ASXL3: variants seen among roughly 807,000 people sequenced by gnomAD.
ASXL3 encodes ASXL transcriptional regulator 3.
ASXL3 carries 34 observed loss-of-function variants against 170.6 expected under a neutral mutation model. That is an observed-to-expected ratio of 0.20 (90% CI 0.15 to 0.27). The LOEUF is 0.27. Among genes scored for constraint, ASXL3 ranks in the 10% least tolerant of loss-of-function variants. ASXL3 has a pLI of 1.00. For synonymous variants in ASXL3, 1,002 were observed against 989.1 expected (o/e 1.01, Z -0.24); for missense variants, 2,592 against 2,695.3 (o/e 0.96, Z 0.85).
chr18:33,739,768 C>T lies in ASXL3; in HGVS notation c.2364C>T (p.Ala788=), dbSNP rs1297464464. ...PLSPQKDESS[A]TAKPLGENLT... ...CCCCGCAGAAAGATGAGTCTTCCGC[C>T]ACTGCCAAACCTCTGGGAGAGAACC... The change falls in exon 11 of 12, where the codon GCC becomes GCT. Residue 788 remains alanine, a synonymous_variant. Coordinates refer to ENST00000269197, the MANE Select transcript of ASXL3 (RefSeq NM_030632.3). 2 of 1,613,654 alleles carry T rather than the reference C, an allele frequency of 1.2e-6. No homozygotes were observed. Among genetic ancestry groups the T allele is most frequent in the Non-Finnish European group, 1.7e-6 (2 of 1,179,824 alleles).
chr18:33,677,017 T>C (rs1198882007), intron 7 of ASXL3, among the ~76,000 whole-genome samples: 2 of 152,216 alleles, frequency 1.3e-5, no homozygotes, highest in Non-Finnish European at 2.9e-5. Context: ...CTAAACTAGT[T>C]TTAATTATAC....
chr18:33,662,070 C>A (rs1045672013), intron 5 of ASXL3, among the ~76,000 whole-genome samples: 2 of 152,028 alleles, frequency 1.3e-5, no homozygotes, highest in Non-Finnish European at 2.9e-5. Context: ...AAAATAACAT[C>A]TATGTTTTTT....
intron 9 of ASXL3, 106 bp from the exon 10 acceptor site, chr18:33,734,204 C>G (rs2145402470): frequency 1.5e-6 from 1 of 647,878 alleles, no homozygotes; most frequent in South Asian, 2.9e-5. Context: ...TGTCCTTGTA[C>G]TTTTCAAGAT....
intron 5 of ASXL3, 114 bp downstream of exon 5, chr18:33,661,851 A>G: frequency 8.6e-7 from 1 of 1,167,786 alleles, no homozygotes; most frequent in Non-Finnish European, 1.2e-6. Context: ...ATCTTCCTGA[A>G]TTCAATCCCA....
chr18:33,656,978 A>G (rs957990852), intron 4 of ASXL3, among the ~76,000 whole-genome samples: 4 of 152,164 alleles, frequency 2.6e-5, no homozygotes, highest in African/African-American at 7.2e-5. Context: ...AAAAAATTCA[A>G]TGAACATTAA....
At chr18:33,713,170 T>C (rs1362109659) in intron 8 of ASXL3, among the ~76,000 whole-genome samples, 3 of 150,554 alleles carry the variant, frequency 2.0e-5, no homozygotes, top group Admixed American at 6.6e-5. Flanking sequence ...CAGGGTTTGT[T>C]ACAATACAAG....
intron 2 of ASXL3, 79 bp from the exon 3 acceptor site, chr18:33,644,815 C>T (rs780773861): frequency 1.9e-4 from 156 of 816,152 alleles, no homozygotes; most frequent in Admixed American, 7.3e-4. Flanking sequence ...TAAGAGAGAG[C>T]GAGCGAGACT....
chr18:33,603,513 A>G (rs1011188954), intron 1 of ASXL3, among the ~76,000 whole-genome samples: 2 of 151,918 alleles, frequency 1.3e-5, no homozygotes, highest in East Asian at 1.9e-4. Context: ...ATGAATGTAT[A>G]TGTCTTTGAG....
rs893950008 is a variant in ASXL3 at position 33,739,479 on chromosome 18, C to T, written c.2075C>T (p.Ala692Val). 1.2e-6 allele frequency: 2 copies of T among 1,613,810 alleles called. No individual in the cohort carries two copies. The highest frequency in any genetic ancestry group is 1.7e-5 in the Admixed American group (1 of 60,004). ...TCCACTTCACCTGAAATATCAGAAG[C>T]ATCTCTTATGTCCAACTTACCATTA... ...PISTSPEISE[A>V]SLMSNLPLTS... The change falls in exon 11 of 12, where the codon GCA becomes GTA. Residue 692 changes from alanine (A) to valine (V), a missense_variant. By Grantham distance (64) the Ala-to-Val change is moderately conservative (BLOSUM62 0). Around this residue, in one of 4 missense-constraint regions of ASXL3, gnomAD observed 2,246 missense variants for 2,219.6 expected, o/e 1.01. Transcript: ENST00000269197.
intron 8 of ASXL3, among the ~76,000 whole-genome samples, chr18:33,706,227 A>AGATAGT: frequency 6.6e-6 from 1 of 151,788 alleles, no homozygotes. Flanking sequence ...AAAAGATCAA[A>AGATAGT]GAGCTACCTC....
At chr18:33,588,288 TTTA>T (rs1461550404) in intron 1 of ASXL3, among the ~76,000 whole-genome samples, 1 of 152,076 alleles carries the variant, frequency 6.6e-6, no homozygotes, top group Non-Finnish European at 1.5e-5. Flanking sequence ...ATGTATTGGT[TTTA>T]TTATTCAGAA....
chr18:33,683,381 A>C (rs763766689), intron 7 of ASXL3, 24 bp from the exon 8 acceptor site: 2 of 1,596,952 alleles, frequency 1.3e-6, no homozygotes, highest in Non-Finnish European at 8.5e-7. Context: ...TAGTAAATTC[A>C]TGCCTCTTGC....
intron 7 of ASXL3, among the ~76,000 whole-genome samples, chr18:33,679,755 T>C (rs553294130): frequency 9.9e-5 from 15 of 152,050 alleles, no homozygotes; most frequent in Non-Finnish European, 1.8e-4. Context: ...TGTATAAAGC[T>C]TAAAATATTT....
At chr18:33,732,718 G>A (rs2067472095) in intron 9 of ASXL3, among the ~76,000 whole-genome samples, 1 of 152,026 alleles carries the variant, frequency 6.6e-6, no homozygotes, top group African/African-American at 2.4e-5. Context: ...AGCCAGGCAT[G>A]GTGGTGCATA....
intron 8 of ASXL3, among the ~76,000 whole-genome samples, chr18:33,713,446 A>G (rs1029684927): frequency 5.3e-5 from 8 of 151,140 alleles, no homozygotes; most frequent in African/African-American, 1.9e-4. Flanking sequence ...CTTCATGGAG[A>G]TGGACCATGT....
In ASXL3 at chr18:33,739,697, G is replaced by C; in HGVS notation, c.2293G>C (p.Ala765Pro). 1 of 1,613,790 alleles carries C rather than the reference G, an allele frequency of 6.2e-7. No individual in the cohort carries two copies. Among genetic ancestry groups the C allele is most frequent in the Non-Finnish European group, 8.5e-7 (1 of 1,179,860 alleles). The change falls in exon 11 of 12, where the codon GCA becomes CCA. Residue 765 changes from alanine to proline, a missense_variant. Ala to Pro is a conservative substitution (Grantham distance 27, BLOSUM62 -1). Around this residue, in one of 4 missense-constraint regions of ASXL3, gnomAD observed 2,246 missense variants for 2,219.6 expected, o/e 1.01. Transcript: ENST00000269197. ...CAACTCTTCCATAAATGAGAGAATG[G>C]CACATCAGCAAAGAAAGTCACCTTC... ...ISNSSINERM[A>P]HQQRKSPSVS... is the part of the protein sequence containing the mutation.
At chr18:33,711,866 T>C (rs2145350318) in intron 8 of ASXL3, among the ~76,000 whole-genome samples, 1 of 152,272 alleles carries the variant, frequency 6.6e-6, no homozygotes, top group South Asian at 2.1e-4. Context: ...AATAAAAAAC[T>C]GTGTCAAAAA....
chr18:33,726,067 A>AT (rs2067345122), intron 8 of ASXL3, among the ~76,000 whole-genome samples: 2 of 152,198 alleles, frequency 1.3e-5, no homozygotes. Flanking sequence ...TCTACTGGGA[A>AT]TTATAATCAG....
intron 8 of ASXL3, among the ~76,000 whole-genome samples, chr18:33,689,349 C>A (rs1027399707): frequency 6.6e-6 from 1 of 152,132 alleles, no homozygotes; most frequent in African/African-American, 2.4e-5. Context: ...TACAGTGTAA[C>A]CAGTGAAAAT....
Sources: allele counts gnomAD v4.1 joint callset (sites outside exome capture counted in the v4.1 genomes callset), GRCh38; gene constraint gnomAD v4.1.1; regional missense constraint gnomAD v4.1.1; transcripts MANE v1.5; gene names NCBI Gene and HGNC (gene_info 2026-07-23, HGNC 2026-07-21).